ARNT2: variants seen among roughly 807,000 people sequenced by gnomAD.
The protein encoded by ARNT2 is aryl hydrocarbon receptor nuclear translocator 2, also known as ARNT protein 2.
A neutral mutation model predicts 91.7 loss-of-function variants in ARNT2; 36 were observed. The ratio of observed to expected loss-of-function variants is 0.39; its 90% CI spans 0.30 to 0.52. The LOEUF is 0.52. ARNT2 is among the 20% of genes least tolerant of loss of function. ARNT2 has a pLI of 0.72. For missense variants in ARNT2, 775 were observed against 939.3 expected, an observed-to-expected ratio of 0.83 and a Z score of 2.29; for synonymous variants, 365 against 347.1, an observed-to-expected ratio of 1.05 and a Z score of -0.57.
At chr15:80,473,563 C>T (rs1029400726) in intron 4 of ARNT2, among the ~76,000 whole-genome samples, 5 of 152,080 alleles carry the variant, frequency 3.3e-5, no homozygotes, top group Non-Finnish European at 5.9e-5. Context: ...AAATGCTGAC[C>T]GAATTCCCTG....
At chr15:80,428,293 A>T (rs1895960571) in intron 1 of ARNT2, among the ~76,000 whole-genome samples, 1 of 152,238 alleles carries the variant, frequency 6.6e-6, no homozygotes, top group Non-Finnish European at 1.5e-5. Flanking sequence ...GTCCATTGCA[A>T]TTTTAACCTT....
intron 3 of ARNT2, among the ~76,000 whole-genome samples, chr15:80,468,357 C>G (rs764795377): frequency 9.2e-5 from 14 of 152,062 alleles, no homozygotes; most frequent in Non-Finnish European, 2.1e-4. Flanking sequence ...CGGCTCTTAT[C>G]AGCCTGCCAT....
At chr15:80,454,404 G>C (rs972426520) in intron 2 of ARNT2, among the ~76,000 whole-genome samples, 5 of 152,124 alleles carry the variant, frequency 3.3e-5, no homozygotes, top group African/African-American at 1.2e-4. Flanking sequence ...CCGATGCTGG[G>C]CTTCTAAAAT....
Position 80,591,580 on chromosome 15 carries a change from A to G in ARNT2, c.1931A>G (p.Gln644Arg). The change falls in exon 18 of 19, where the codon CAA becomes CGA. Residue 644 changes from glutamine to arginine, a missense_variant. Gln to Arg is a conservative substitution (Grantham distance 43, BLOSUM62 1). This residue lies in a region of ARNT2 where 325 missense variants were observed against 359.9 expected (regional missense o/e 0.90). Coordinates refer to ENST00000303329, the MANE Select transcript of ARNT2 (RefSeq NM_014862.4). The surrounding 1 kb of genome is among the most constrained non-coding windows in gnomAD (Gnocchi z 5.1). Reference sequence around the variant, plus strand: ...TCGAATCTTTCAGCTGAAAGTGGACAAAGTAGCGGGCAGTTCCAAGGGCGG... The same window carrying G: ...TCGAATCTTTCAGCTGAAAGTGGACGAAGTAGCGGGCAGTTCCAAGGGCGG... ...NRTPGFAESG[Q>R]SSGQFQGRPS... is the part of the protein sequence containing the mutation. 6.2e-7 allele frequency: 1 copy of G among 1,614,190 alleles called. No homozygotes were observed. Among genetic ancestry groups the G allele is most frequent in the Non-Finnish European group, 8.5e-7 (1 of 1,180,024 alleles).
chr15:80,544,563 C>T (rs1216550234), intron 8 of ARNT2, among the ~76,000 whole-genome samples: 4 of 152,120 alleles, frequency 2.6e-5, no homozygotes, highest in Admixed American at 6.5e-5. Context: ...TAAAAAGCAA[C>T]GACTAAATAA....
rs762761951 is a variant in ARNT2, at chr15:80,514,386, C to G, written c.858C>G (p.Ile286Met). Residue 286 changes from isoleucine to methionine, a missense_variant, in exon 8 of 19, where the codon ATC becomes ATG. Coordinates refer to ENST00000303329, the MANE Select transcript of ARNT2 (RefSeq NM_014862.4). ...CTGTGGTCCACTGTACAGGATACATCAAGGCCTGGCCACCAGCAGGTAAGG... is the reference window on the plus strand; with the variant it reads ...CTGTGGTCCACTGTACAGGATACATGAAGGCCTGGCCACCAGCAGGTAAGG... ...QYAVVHCTGY[I>M]KAWPPAGMTI... 1 of 1,614,220 alleles carries G rather than the reference C, an allele frequency of 6.2e-7. No individual in the cohort carries two copies. Among genetic ancestry groups the G allele is most frequent in the Admixed American group, 1.7e-5 (1 of 60,032 alleles).
chr15:80,524,823 A>T (rs969723836), intron 8 of ARNT2, among the ~76,000 whole-genome samples: 1 of 151,596 alleles, frequency 6.6e-6, no homozygotes, highest in Admixed American at 6.6e-5. Flanking sequence ...TGCAGTGAGC[A>T]GAGATTGCGC....
chr15:80,585,186 A>G (rs1898873163), intron 17 of ARNT2, among the ~76,000 whole-genome samples: 1 of 152,122 alleles, frequency 6.6e-6, no homozygotes, highest in Non-Finnish European at 1.5e-5. Flanking sequence ...TTCCAGTCTT[A>G]GTATCATTTT....
chr15:80,535,064 T>C (rs1471006880), intron 8 of ARNT2, among the ~76,000 whole-genome samples: 4 of 152,146 alleles, frequency 2.6e-5, no homozygotes, highest in African/African-American at 9.7e-5. Context: ...AGGCTCTTTC[T>C]ACATTCAGGG....
intron 8 of ARNT2, among the ~76,000 whole-genome samples, chr15:80,530,616 C>A (rs1200681874): frequency 6.6e-6 from 1 of 152,150 alleles, no homozygotes; most frequent in African/African-American, 2.4e-5. Flanking sequence ...TTCTCCCTAT[C>A]TCAGACTTGA....
intron 5 of ARNT2, among the ~76,000 whole-genome samples, chr15:80,505,928 T>G (rs908593086): frequency 1.6e-4 from 1 of 6,096 alleles, no homozygotes; most frequent in Admixed American, 1.1e-3. Context: ...ACATTTGTTG[T>G]TTTTTTTTTT....
chr15:80,568,221 T>G (rs1898521567), intron 12 of ARNT2, among the ~76,000 whole-genome samples: 1 of 152,196 alleles, frequency 6.6e-6, no homozygotes, highest in Admixed American at 6.5e-5. Flanking sequence ...GCCTTGGCAC[T>G]GGGGGGCCAA....
chr15:80,597,192 C>T lies in ARNT2; in HGVS notation c.*3494C>T, dbSNP rs2141493652. The T allele has an allele frequency of 1.9e-6, 1 of 518,482 alleles. No homozygotes were observed. Among genetic ancestry groups the T allele is most frequent in the African/African-American group, 1.9e-5 (1 of 51,884 alleles). The allele number at this position is 518,482 out of a possible 1,614,324, so 32.1% of individuals were successfully genotyped here. ...CTTTAGCCGAGAAAGAAACCAGTCC[C>T]AGGGAATGAATGGTGGTCTCCCCAC... On this transcript the variant is annotated 3_prime_UTR_variant, in exon 19 of 19. Coordinates refer to ENST00000303329, the MANE Select transcript of ARNT2 (RefSeq NM_014862.4).
At chr15:80,432,865 A>G (rs1268255686) in intron 1 of ARNT2, among the ~76,000 whole-genome samples, 1 of 152,214 alleles carries the variant, frequency 6.6e-6, no homozygotes, top group African/African-American at 2.4e-5. Context: ...CCAAGCATAA[A>G]TTAAGACATC....
In ARNT2 at chr15:80,551,211, C is replaced by A; in HGVS notation, c.890C>A (p.Pro297His). ...KAWPPAGMTI[P>H]EEDADVGQGS... ...TTTCCCATTTCAGGAATGACCATAC[C>A]TGAAGAAGACGCTGATGTGGGACAA... is the stretch of plus-strand genomic sequence containing the variant. The change falls in exon 9 of 19, where the codon CCT becomes CAT. Residue 297 changes from proline (P) to histidine (H), a missense_variant. Around this residue, in one of 5 missense-constraint regions of ARNT2, gnomAD observed 285 missense variants for 327.2 expected, o/e 0.87. Coordinates refer to ENST00000303329, the MANE Select transcript of ARNT2 (RefSeq NM_014862.4). The A allele has an allele frequency of 6.2e-7, 1 of 1,613,960 alleles. No individual in the cohort carries two copies. The highest frequency in any genetic ancestry group is 8.5e-7 in the Non-Finnish European group (1 of 1,179,854).
intron 1 of ARNT2, among the ~76,000 whole-genome samples, chr15:80,431,325 C>T (rs750323177): frequency 3.3e-5 from 5 of 152,180 alleles, no homozygotes; most frequent in African/African-American, 7.2e-5. Context: ...TTGTAATCAT[C>T]GTTCTTGCCA....
At chr15:80,576,282 ATT>A (rs71153540) in intron 14 of ARNT2, among the ~76,000 whole-genome samples, 67 of 149,826 alleles carry the variant, frequency 4.5e-4, no homozygotes, top group Non-Finnish European at 7.1e-4. Context: ...ACTCTCATTA[ATT>A]TTTTTTTTTT....
chr15:80,503,888 T>C (rs1311301002), intron 5 of ARNT2, among the ~76,000 whole-genome samples: 1 of 152,220 alleles, frequency 6.6e-6, no homozygotes, highest in Non-Finnish European at 1.5e-5. Context: ...TAGAGCGCCA[T>C]GCAGTCTGCA....
chr15:80,419,804 A>G (rs1895836366), intron 1 of ARNT2, among the ~76,000 whole-genome samples: 1 of 152,224 alleles, frequency 6.6e-6, no homozygotes, highest in Non-Finnish European at 1.5e-5. Flanking sequence ...TTTCCATGGT[A>G]TTTGGAAGAT....
Sources: allele counts gnomAD v4.1 joint callset (sites outside exome capture counted in the v4.1 genomes callset), GRCh38; gene constraint gnomAD v4.1.1; regional missense constraint gnomAD v4.1.1; non-coding constraint Gnocchi (gnomAD v3.1); transcripts MANE v1.5; gene names NCBI Gene and HGNC (gene_info 2026-07-23, HGNC 2026-07-21).